Variants in CDH12 observed in about 807,000 individuals in gnomAD.
CDH12 encodes the protein cadherin-12.
CDH12 carries 41 observed loss-of-function variants against 74.1 expected under a neutral mutation model. The observed-to-expected ratio is 0.55, with a 90% confidence interval of 0.43 to 0.72. The LOEUF (loss-of-function observed/expected upper bound fraction) is 0.72. CDH12 is among the 30% of genes least tolerant of loss of function. The probability of loss-of-function intolerance (pLI) is 0.00; values close to 1 mark genes in which losing one functional copy is unlikely to be tolerated. For missense variants in CDH12, 945 were observed against 977.2 expected (o/e 0.97, Z 0.44); for synonymous variants, 399 against 355.0 (o/e 1.12, Z -1.39).
At chr5:22,014,665 A>G (rs1737496811) in intron 5 of CDH12, among the ~76,000 whole-genome samples, 1 of 152,166 alleles carries the variant, frequency 6.6e-6, no homozygotes, top group African/African-American at 2.4e-5. Context: ...AAACAGAAGC[A>G]TAGATAACAA....
At chr5:22,156,402 C>T (rs577526757) in intron 4 of CDH12, among the ~76,000 whole-genome samples, 49 of 152,132 alleles carry the variant, frequency 3.2e-4, no homozygotes, top group African/African-American at 1.1e-3. Flanking sequence ...TATTATTGAA[C>T]AATGTTTGCC....
At chr5:22,775,771 A>G (rs1170392097) in intron 1 of CDH12, among the ~76,000 whole-genome samples, 1 of 152,068 alleles carries the variant, frequency 6.6e-6, no homozygotes, top group Non-Finnish European at 1.5e-5. Flanking sequence ...CTTCATACTA[A>G]CTGATATGGT....
rs1561128431 is a variant in CDH12, at chr5:22,117,440, A to ATATATATAATATATATAT, written c.-186-38596_-186-38579dup. Reference sequence around the variant, plus strand: ...TTATATACATGCATATATAAATTATATATATATAATATATATATTATATAT... The same window carrying ATATATATAATATATATAT: ...TTATATACATGCATATATAAATTATATATATATAATATATATATTATATATAATATATATATTATATAT... On this transcript the variant is annotated intron_variant, in intron 4 of 14. Coordinates refer to ENST00000382254, the MANE Select transcript of CDH12 (RefSeq NM_004061.5). Among the ~76,000 whole-genome samples the ATATATATAATATATATAT allele has an allele frequency of 1.5e-3, 143 of 93,296 alleles. 1 individual carries two copies. The highest frequency in any genetic ancestry group is 6.3e-3 in the African/African-American group (135 of 21,568). The allele number at this position is 93,296 out of a possible 152,430, so 61.2% of individuals were successfully genotyped here.
At chr5:22,312,552 T>C (rs952453476) in intron 3 of CDH12, among the ~76,000 whole-genome samples, 1 of 152,186 alleles carries the variant, frequency 6.6e-6, no homozygotes, top group Non-Finnish European at 1.5e-5. Flanking sequence ...TTACTGTACT[T>C]TATTGCTGCA....
chr5:22,354,270 G>A (rs1307477118), intron 3 of CDH12, among the ~76,000 whole-genome samples: 1 of 152,144 alleles, frequency 6.6e-6, no homozygotes, highest in Non-Finnish European at 1.5e-5. Flanking sequence ...AGGCAGCCAG[G>A]AATTCTTAAA....
intron 5 of CDH12, among the ~76,000 whole-genome samples, chr5:22,070,400 G>A (rs1407187613): frequency 6.6e-6 from 1 of 152,126 alleles, no homozygotes; most frequent in East Asian, 1.9e-4. Context: ...TGTGATATTT[G>A]ATCAATCATG....
chr5:22,169,513 G>T (rs1748893032), intron 4 of CDH12, among the ~76,000 whole-genome samples: 1 of 151,898 alleles, frequency 6.6e-6, no homozygotes, highest in Non-Finnish European at 1.5e-5. Context: ...TTAACACAAT[G>T]ACCTTGACGA....
At chr5:22,329,007 G>A (rs1430404323) in intron 3 of CDH12, among the ~76,000 whole-genome samples, 1 of 151,970 alleles carries the variant, frequency 6.6e-6, no homozygotes, top group Non-Finnish European at 1.5e-5. Context: ...TCCTAGAAAG[G>A]CAAAATAAAC....
chr5:22,219,589 T>C (rs1216748683), intron 3 of CDH12, among the ~76,000 whole-genome samples: 1 of 151,820 alleles, frequency 6.6e-6, no homozygotes. Flanking sequence ...AGTTTTAACA[T>C]ATATCAGACT....
intron 9 of CDH12, among the ~76,000 whole-genome samples, chr5:21,815,915 A>T (rs1232286656): frequency 6.6e-6 from 1 of 152,218 alleles, no homozygotes; most frequent in Non-Finnish European, 1.5e-5. Flanking sequence ...AAATTAGGTT[A>T]CAATTAAACT....
chr5:22,745,480 C>A (rs188181065), intron 1 of CDH12, among the ~76,000 whole-genome samples: 1 of 152,050 alleles, frequency 6.6e-6, no homozygotes, highest in East Asian at 1.9e-4. Flanking sequence ...ATGTTCATTG[C>A]AACGCTATTC....
At chr5:21,796,192 T>G (rs1168453090) in intron 10 of CDH12, among the ~76,000 whole-genome samples, 1 of 152,012 alleles carries the variant, frequency 6.6e-6, no homozygotes, top group Non-Finnish European at 1.5e-5. Flanking sequence ...CATCATAAGT[T>G]GAAAATACCT....
At chr5:22,640,331 A>G (rs765547928) in intron 1 of CDH12, among the ~76,000 whole-genome samples, 3 of 152,220 alleles carry the variant, frequency 2.0e-5, no homozygotes, top group African/African-American at 7.2e-5. Flanking sequence ...CAGAAAATCT[A>G]ACACTATTTT....
intron 8 of CDH12, among the ~76,000 whole-genome samples, chr5:21,833,880 G>A (rs529987730): frequency 4.3e-4 from 65 of 152,098 alleles, no homozygotes; most frequent in Non-Finnish European, 5.9e-4. Flanking sequence ...ATCTACTGGA[G>A]AATAGGGTCT....
intron 4 of CDH12, among the ~76,000 whole-genome samples, chr5:22,100,762 C>G (rs1412784069): frequency 2.0e-5 from 3 of 151,938 alleles, no homozygotes; most frequent in Admixed American, 6.6e-5. Flanking sequence ...CTGCATTACA[C>G]TATTGATTTG....
chr5:22,197,921 T>C (rs1335025539), intron 4 of CDH12, among the ~76,000 whole-genome samples: 3 of 152,156 alleles, frequency 2.0e-5, no homozygotes, highest in Admixed American at 2.0e-4. Flanking sequence ...TGAAATCAAT[T>C]TGAAAGTTAT....
At chr5:22,837,337 C>G (rs114400648) in intron 1 of CDH12, among the ~76,000 whole-genome samples, 1 of 151,924 alleles carries the variant, frequency 6.6e-6, no homozygotes, top group East Asian at 1.9e-4. Flanking sequence ...GAGCCCAGCA[C>G]GTTGAGGCTA....
At chr5:22,684,111 A>G (rs542236504) in intron 1 of CDH12, among the ~76,000 whole-genome samples, 1 of 152,280 alleles carries the variant, frequency 6.6e-6, no homozygotes, top group South Asian at 2.1e-4. Context: ...TGTGATGTGC[A>G]TTGTTTGTCT....
intron 6 of CDH12, among the ~76,000 whole-genome samples, chr5:21,953,948 C>G (rs1755982447): frequency 6.6e-6 from 1 of 151,954 alleles, no homozygotes; most frequent in Admixed American, 6.6e-5. Context: ...AAATACATAA[C>G]CAAATAGACA....
Sources: gnomAD v4.1 joint callset for allele counts (sites outside exome capture counted in the v4.1 genomes callset) on GRCh38, gnomAD v4.1.1 for gene constraint, MANE v1.5 for transcripts, NCBI Gene and HGNC (gene_info 2026-07-23, HGNC 2026-07-21) for gene names.